The following SUPT3H variants were observed in gnomAD, a reference collection of about 807,000 sequenced individuals.
The protein encoded by SUPT3H is transcription initiation protein SPT3 homolog.
Under a neutral mutation model 44.3 loss-of-function variants are expected in SUPT3H, and 44 were observed. That is an observed-to-expected ratio of 0.99 (90% CI 0.78 to 1.28). The LOEUF (loss-of-function observed/expected upper bound fraction) is 1.28, where lower values mean the gene tolerates loss of function less well. SUPT3H is among the 50% of genes most tolerant of loss of function. SUPT3H has a pLI of 0.00. For missense variants in SUPT3H, 380 were observed against 387.1 expected (o/e 0.98, Z 0.15); for synonymous variants, 124 against 125.6 (o/e 0.99, Z 0.09).
intron 2 of SUPT3H, among the ~76,000 whole-genome samples, chr6:45,265,455 G>C (rs978624750): frequency 6.6e-6 from 1 of 152,044 alleles, no homozygotes. Context: ...AGTCCGGCTA[G>C]GTCTTAAATA....
rs754084397 is a variant in SUPT3H at position 45,365,305 on chromosome 6, A to C, written c.1-4T>G. The stretch of plus-strand genomic sequence containing the variant: ...GACTAGCTGCCGTATTATTCATCTA[A>C]ATAAAAAGGAGAAATAAAGCTTACA... On this transcript the variant is annotated splice_polypyrimidine_tract_variant and splice_region_variant and intron_variant, in intron 1 of 10. Coordinates refer to ENST00000371459, the MANE Select transcript of SUPT3H (RefSeq NM_003599.4). 6.3e-7 allele frequency: 1 copy of C among 1,597,226 alleles called. No homozygotes were observed. The highest frequency in any genetic ancestry group is 8.6e-7 in the Non-Finnish European group (1 of 1,167,192).
At chr6:45,097,802 T>A (rs1583519883) in intron 3 of SUPT3H, 2 of 152,230 alleles carry the variant, frequency 1.3e-5, no homozygotes, top group Non-Finnish European at 2.9e-5. Context: ...TGCCCTTGTA[T>A]CTTCTTCTCT....
chr6:44,945,925 T>C (rs1050341809), intron 9 of SUPT3H, among the ~76,000 whole-genome samples: 2 of 152,110 alleles, frequency 1.3e-5, no homozygotes, highest in African/African-American at 2.4e-5. Context: ...AGAGGAGAAA[T>C]CAATGCCTGG....
chr6:45,308,554 T>C (rs1250877547), intron 2 of SUPT3H, among the ~76,000 whole-genome samples: 7 of 152,054 alleles, frequency 4.6e-5, no homozygotes, highest in South Asian at 2.1e-4. Flanking sequence ...CTGAGAGATT[T>C]TGTCACCACC....
intron 10 of SUPT3H, among the ~76,000 whole-genome samples, chr6:44,902,509 C>CAGG (rs1293139788): frequency 1.3e-5 from 2 of 152,090 alleles, no homozygotes; most frequent in African/African-American, 4.8e-5. Context: ...GCACCCAATA[C>CAGG]AGGAGCACCC....
At chr6:45,050,607 C>A (rs1790129125) in intron 3 of SUPT3H, among the ~76,000 whole-genome samples, 1 of 152,050 alleles carries the variant, frequency 6.6e-6, no homozygotes, top group Non-Finnish European at 1.5e-5. Context: ...AGAAAATAAA[C>A]CATGCCACAT....
At chr6:44,905,738 CTA>C (rs1562014523) in intron 10 of SUPT3H, among the ~76,000 whole-genome samples, 2 of 152,176 alleles carry the variant, frequency 1.3e-5, no homozygotes, top group African/African-American at 4.8e-5. Flanking sequence ...TATTGCGGCA[CTA>C]TTCACAATAG....
chr6:45,286,033 G>A (rs1461041804), intron 2 of SUPT3H, among the ~76,000 whole-genome samples: 2 of 140,644 alleles, frequency 1.4e-5, no homozygotes, highest in African/African-American at 2.8e-5. Flanking sequence ...TGGGAAAACT[G>A]GCTAGCCATA....
At chr6:45,347,309 G>A (rs1258804257) in intron 2 of SUPT3H, among the ~76,000 whole-genome samples, 1 of 152,098 alleles carries the variant, frequency 6.6e-6, no homozygotes, top group Admixed American at 6.6e-5. Context: ...ATATATGACT[G>A]TTAGGGAACA....
At chr6:44,872,170 A>G (rs1404491809) in intron 10 of SUPT3H, among the ~76,000 whole-genome samples, 1 of 8,636 alleles carries the variant, frequency 1.2e-4, no homozygotes, top group African/African-American at 5.3e-4. Context: ...ACTCCTCGAG[A>G]AGAGCAACTC....
At chr6:44,910,943 C>T (rs1158009909) in intron 10 of SUPT3H, among the ~76,000 whole-genome samples, 5 of 128,664 alleles carry the variant, frequency 3.9e-5, no homozygotes, top group South Asian at 2.5e-4. Context: ...TGCAATGAGC[C>T]GAGATCATGC....
chr6:44,939,349 TTTATG>T (rs1772019975), intron 9 of SUPT3H, among the ~76,000 whole-genome samples: 2 of 52,406 alleles, frequency 3.8e-5, no homozygotes, highest in South Asian at 1.6e-3. Context: ...CTTCATTCTG[TTTATG>T]TAATGTATCC....
chr6:44,988,412 C>T (rs1242187985), intron 6 of SUPT3H, among the ~76,000 whole-genome samples: 3 of 149,980 alleles, frequency 2.0e-5, no homozygotes, highest in African/African-American at 7.3e-5. Context: ...ATATAAAACA[C>T]CCAGCCATTT....
At chr6:45,372,958 GC>G (rs1563047205) in intron 1 of SUPT3H, among the ~76,000 whole-genome samples, 1 of 151,968 alleles carries the variant, frequency 6.6e-6, no homozygotes, top group African/African-American at 2.4e-5. Context: ...GCAGGTGCAC[GC>G]CAAGACACGC....
chr6:44,836,438 T>C (rs1245315370), intron 10 of SUPT3H, among the ~76,000 whole-genome samples: 1 of 152,152 alleles, frequency 6.6e-6, no homozygotes, highest in Admixed American at 6.5e-5. Flanking sequence ...AGAGGTCTTC[T>C]CCGGCTGGCA....
At chr6:44,889,936 T>A (rs1763008837) in intron 10 of SUPT3H, among the ~76,000 whole-genome samples, 1 of 150,944 alleles carries the variant, frequency 6.6e-6, no homozygotes, top group Admixed American at 6.6e-5. Context: ...AACAACCCCA[T>A]CAAAAAGTGG....
At chr6:45,099,800 A>G (rs993084190) in intron 3 of SUPT3H, among the ~76,000 whole-genome samples, 23 of 152,334 alleles carry the variant, frequency 1.5e-4, no homozygotes, top group Middle Eastern at 3.4e-3. Flanking sequence ...GTAAATGGCA[A>G]TCTAAAAATG....
At chr6:45,054,178 A>C (rs1230021366) in intron 3 of SUPT3H, among the ~76,000 whole-genome samples, 1 of 151,966 alleles carries the variant, frequency 6.6e-6, no homozygotes, top group African/African-American at 2.4e-5. Flanking sequence ...GCAATGACTG[A>C]GAAATCTTCT....
intron 7 of SUPT3H, among the ~76,000 whole-genome samples, chr6:44,960,352 G>A (rs1259534617): frequency 6.7e-6 from 1 of 150,132 alleles, no homozygotes; most frequent in African/African-American, 2.5e-5. Context: ...AGGAGGAGGA[G>A]GAGGCTGCAG....
Sources: allele counts gnomAD v4.1 joint callset (sites outside exome capture counted in the v4.1 genomes callset), GRCh38; gene constraint gnomAD v4.1.1; transcripts MANE v1.5; gene names NCBI Gene and HGNC (gene_info 2026-07-23, HGNC 2026-07-21).